GPC5: variants seen among roughly 807,000 people sequenced by gnomAD.
GPC5 encodes glypican 5.
GPC5 carries 47 observed loss-of-function variants against 53.9 expected under a neutral mutation model. That is an observed-to-expected ratio of 0.87 (90% CI 0.69 to 1.11). GPC5 has a LOEUF of 1.11. Ranked by LOEUF, GPC5 falls within the 50% of genes most tolerant of loss-of-function variation. GPC5 has a pLI of 0.00. For missense variants in GPC5, 748 were observed against 713.1 expected, an observed-to-expected ratio of 1.05 and a Z score of -0.56; for synonymous variants, 286 against 263.3, an observed-to-expected ratio of 1.09 and a Z score of -0.84.
At chr13:92,606,153 A>G (rs887063842) in intron 7 of GPC5, among the ~76,000 whole-genome samples, 1 of 151,952 alleles carries the variant, frequency 6.6e-6, no homozygotes, top group Non-Finnish European at 1.5e-5. Flanking sequence ...TTTGTTACAT[A>G]TGTATACATG....
chr13:91,640,895 A>T (rs374191538), intron 2 of GPC5, among the ~76,000 whole-genome samples: 2 of 152,184 alleles, frequency 1.3e-5, no homozygotes, highest in African/African-American at 4.8e-5. Context: ...CATTAATGAT[A>T]GACTGGATAC....
chr13:91,658,716 T>C (rs2034909252), intron 2 of GPC5, among the ~76,000 whole-genome samples: 1 of 152,208 alleles, frequency 6.6e-6, no homozygotes, highest in African/African-American at 2.4e-5. Flanking sequence ...GGGGTCTGTC[T>C]GTCAGCCTGA....
intron 7 of GPC5, among the ~76,000 whole-genome samples, chr13:92,601,938 T>C (rs1884072525): frequency 6.6e-6 from 1 of 151,620 alleles, no homozygotes; most frequent in African/African-American, 2.4e-5. Flanking sequence ...TATTTATTAC[T>C]ACTATTGTAC....
intron 7 of GPC5, among the ~76,000 whole-genome samples, chr13:92,413,595 A>T (rs1876144154): frequency 6.6e-6 from 1 of 152,212 alleles, no homozygotes. Flanking sequence ...TGGGACAGAT[A>T]AGAGGTTGTA....
chr13:92,146,385 AG>A (rs1345285498), intron 7 of GPC5, among the ~76,000 whole-genome samples: 1 of 152,128 alleles, frequency 6.6e-6, no homozygotes, highest in Non-Finnish European at 1.5e-5. Flanking sequence ...TCATTTATTT[AG>A]GGCATGTATT....
chr13:92,405,842 CA>C (rs1875771026), intron 7 of GPC5, among the ~76,000 whole-genome samples: 2 of 152,064 alleles, frequency 1.3e-5, no homozygotes, highest in Admixed American at 1.3e-4. Flanking sequence ...AAGTTAGGCA[CA>C]AATAGTTAAG....
At chr13:91,480,716 T>C (rs1883252874) in intron 2 of GPC5, among the ~76,000 whole-genome samples, 1 of 152,306 alleles carries the variant, frequency 6.6e-6, no homozygotes, top group Middle Eastern at 3.4e-3. Flanking sequence ...GCCTGAGCCC[T>C]TGATGGTTAT....
chr13:91,882,654 T>A (rs1233751454), intron 5 of GPC5, among the ~76,000 whole-genome samples: 1 of 144,232 alleles, frequency 6.9e-6, no homozygotes. Context: ...AGGTTTTTTG[T>A]TTGTTTGTTT....
chr13:92,791,183 A>G (rs904119554), intron 7 of GPC5, among the ~76,000 whole-genome samples: 2 of 152,114 alleles, frequency 1.3e-5, no homozygotes, highest in Admixed American at 6.6e-5. Context: ...ACTTGCCTTG[A>G]TAAGTTTCCA....
At chr13:92,613,447 T>TTTATATATAAATATGTATTATATA (rs1380048176) in intron 7 of GPC5, among the ~76,000 whole-genome samples, 1 of 85,676 alleles carries the variant, frequency 1.2e-5, no homozygotes, top group Non-Finnish European at 2.1e-5. Context: ...TAAATATATA[T>TTTATATATAAATATGTATTATATA]ATTTATATAT....
chr13:92,522,163 G>A (rs1368695165), intron 7 of GPC5, among the ~76,000 whole-genome samples: 1 of 152,148 alleles, frequency 6.6e-6, no homozygotes, highest in African/African-American at 2.4e-5. Context: ...CTTTTATACT[G>A]TTGGTGGGAC....
chr13:92,189,161 C>G (rs989594172), intron 7 of GPC5, among the ~76,000 whole-genome samples: 2 of 151,852 alleles, frequency 1.3e-5, no homozygotes, highest in African/African-American at 4.8e-5. Context: ...TGAGAAAAAT[C>G]CCTTTATGTT....
At chr13:92,266,069 C>A (rs2042800555) in intron 7 of GPC5, among the ~76,000 whole-genome samples, 1 of 152,166 alleles carries the variant, frequency 6.6e-6, no homozygotes, top group African/African-American at 2.4e-5. Context: ...GGATAAAACC[C>A]TCATAGCCTA....
intron 2 of GPC5, among the ~76,000 whole-genome samples, chr13:91,681,037 A>G (rs776809475): frequency 4.6e-5 from 7 of 152,114 alleles, no homozygotes; most frequent in Non-Finnish European, 8.8e-5. Context: ...ATTTCTATAT[A>G]TATATGTGTG....
chr13:92,628,264 C>CTTTTTTTTTTTTTTTTTTCTTTTTTTTT (rs1885116403), intron 7 of GPC5, among the ~76,000 whole-genome samples: 1 of 45,338 alleles, frequency 2.2e-5, no homozygotes, highest in Non-Finnish European at 4.3e-5. Context: ...CTTTTTCTTT[C>CTTTTTTTTTTTTTTTTTTCTTTTTTTTT]TTTTTTTTTT....
At chr13:92,322,930 G>A (rs2043225601) in intron 7 of GPC5, among the ~76,000 whole-genome samples, 2 of 151,980 alleles carry the variant, frequency 1.3e-5, no homozygotes, top group Admixed American at 6.6e-5. Context: ...CTTTGGATCA[G>A]CCCTCTACCT....
intron 3 of GPC5, among the ~76,000 whole-genome samples, chr13:91,716,014 A>G (rs879892178): frequency 2.0e-5 from 3 of 152,054 alleles, no homozygotes; most frequent in Non-Finnish European, 4.4e-5. Context: ...CCTGACCTCA[A>G]GCGATTCTTC....
chr13:92,288,563 C>T (rs1238483729), intron 7 of GPC5, among the ~76,000 whole-genome samples: 1 of 152,112 alleles, frequency 6.6e-6, no homozygotes, highest in Non-Finnish European at 1.5e-5. Context: ...TCCTAAAATA[C>T]CAGCCTCTAT....
chr13:92,775,630 C>T (rs1227931988), intron 7 of GPC5, among the ~76,000 whole-genome samples: 1 of 152,170 alleles, frequency 6.6e-6, no homozygotes, highest in Non-Finnish European at 1.5e-5. Flanking sequence ...CCTCCTTCCT[C>T]TCCTTTCCCT....
Sources: allele counts gnomAD v4.1 joint callset (sites outside exome capture counted in the v4.1 genomes callset), GRCh38; gene constraint gnomAD v4.1.1; transcripts MANE v1.5; gene names NCBI Gene and HGNC (gene_info 2026-07-23, HGNC 2026-07-21).